The following ZBTB38 variants were observed in gnomAD, a reference collection of about 807,000 sequenced individuals.
ZBTB38 encodes zinc finger and BTB domain-containing protein 38.
In ZBTB38, 20 loss-of-function variants were observed where a neutral mutation model predicts 76.8. That is an observed-to-expected ratio of 0.26 (90% CI 0.18 to 0.38). The LOEUF (loss-of-function observed/expected upper bound fraction) is 0.38, where lower values mean the gene tolerates loss of function less well. ZBTB38 is among the 10% of genes least tolerant of loss of function. The pLI is 1.00. For missense variants in ZBTB38, 1,082 were observed against 1,482.3 expected (o/e 0.73, Z 4.43); for synonymous variants, 504 against 544.2 (o/e 0.93, Z 1.03).
chr3:141,399,094 G>A (rs1951063358), intron 4 of ZBTB38, among the ~76,000 whole-genome samples: 1 of 150,358 alleles, frequency 6.7e-6, no homozygotes, highest in Non-Finnish European at 1.5e-5. Context: ...TAACTTGGGA[G>A]TTACATCTAG....
intron 5 of ZBTB38, among the ~76,000 whole-genome samples, chr3:141,421,648 T>G (rs1033986307): frequency 6.6e-6 from 1 of 152,174 alleles, no homozygotes; most frequent in African/African-American, 2.4e-5. Context: ...TGGTGGGGAC[T>G]TCTCTAACAA....
intron 5 of ZBTB38, among the ~76,000 whole-genome samples, chr3:141,422,801 A>G (rs1221225908): frequency 2.0e-5 from 3 of 152,176 alleles, no homozygotes; most frequent in Non-Finnish European, 4.4e-5. Flanking sequence ...GTGTCTGTTA[A>G]CACACAGTTA....
intron 4 of ZBTB38, chr3:141,402,703 G>A (rs1320979692): frequency 6.6e-6 from 1 of 152,056 alleles, no homozygotes; most frequent in Non-Finnish European, 1.5e-5. Flanking sequence ...GGGCGGGGTG[G>A]GTTCGGCTGG....
rs374801821 is a variant in ZBTB38 at position 141,386,670 on chromosome 3, C to T, written c.-171-202C>T. 18 of 152,686 alleles carry T rather than the reference C, an allele frequency of 1.2e-4. No homozygotes were observed. The East Asian group carries it at 2.9e-3, about 25-fold the overall frequency. The allele number at this position is 152,686 out of a possible 1,614,324, so 9.5% of individuals were successfully genotyped here. On this transcript the variant is annotated intron_variant, in intron 3 of 5. Coordinates refer to ENST00000321464, the MANE Select transcript of ZBTB38 (RefSeq NM_001376113.1). ...GGAAGAGAATATGAGAGTGTTCTTT[C>T]CAGCTTATTTTCTTCCTTAGCAAAA...
At chr3:141,364,809 A>G (rs1414874771), upstream of ZBTB38, among the ~76,000 whole-genome samples, 1 of 151,824 alleles carries the variant, frequency 6.6e-6, no homozygotes, top group Non-Finnish European at 1.5e-5. Context: ...ATCATTAGTC[A>G]TTTGTTAAAT....
At chr3:141,354,340 T>C (rs1412082465) in intron 1 of ZBTB38, among the ~76,000 whole-genome samples, 1 of 152,134 alleles carries the variant, frequency 6.6e-6, no homozygotes, top group Non-Finnish European at 1.5e-5. Context: ...CATTGAAAGC[T>C]GGTCCCACTT....
chr3:141,354,028 A>G (rs544406826), intron 1 of ZBTB38, among the ~76,000 whole-genome samples: 1 of 152,248 alleles, frequency 6.6e-6, no homozygotes, highest in African/African-American at 2.4e-5. Flanking sequence ...TCTTGGTTGG[A>G]CTTGTTGATT....
At chr3:141,436,137 G>T (rs530446503) in intron 5 of ZBTB38, among the ~76,000 whole-genome samples, 1 of 152,304 alleles carries the variant, frequency 6.6e-6, no homozygotes, top group African/African-American at 2.4e-5. Flanking sequence ...AAATGTAGTG[G>T]AGGAGGTTGC....
At chr3:141,427,519 G>A (rs1263647895) in intron 5 of ZBTB38, 1 of 152,326 alleles carries the variant, frequency 6.6e-6, no homozygotes, top group Non-Finnish European at 1.5e-5. Context: ...GGGTTAGAAT[G>A]GCAGGAAAGG....
intron 1 of ZBTB38, among the ~76,000 whole-genome samples, chr3:141,362,463 A>C (rs558206198): frequency 2.4e-4 from 37 of 152,310 alleles, no homozygotes; most frequent in African/African-American, 8.7e-4. Context: ...CCAGCACAAA[A>C]AACATTTTTA....
intron 5 of ZBTB38, among the ~76,000 whole-genome samples, chr3:141,404,617 T>C (rs1279665922): frequency 2.0e-5 from 3 of 152,202 alleles, no homozygotes; most frequent in Non-Finnish European, 4.4e-5. Context: ...AACTACCATT[T>C]GTCGAGCATT....
upstream of ZBTB38, among the ~76,000 whole-genome samples, chr3:141,368,099 C>T (rs2148977399): frequency 6.6e-6 from 1 of 152,272 alleles, no homozygotes; most frequent in Admixed American, 6.5e-5. Context: ...CACTGCAACT[C>T]CTTGAGTAAG....
chr3:141,375,365 G>C (rs996026135), intron 2 of ZBTB38, among the ~76,000 whole-genome samples: 1 of 152,114 alleles, frequency 6.6e-6, no homozygotes, highest in African/African-American at 2.4e-5. Context: ...GAGACAAAAG[G>C]CGCCAATGAG....
intron 1 of ZBTB38, among the ~76,000 whole-genome samples, chr3:141,331,206 C>G (rs898668023): frequency 2.6e-5 from 4 of 152,214 alleles, no homozygotes; most frequent in Non-Finnish European, 4.4e-5. Context: ...TTGAAGCATG[C>G]ACTATGCAAT....
At chr3:141,337,059 G>T (rs6807533) in intron 1 of ZBTB38, among the ~76,000 whole-genome samples, 1 of 151,988 alleles carries the variant, frequency 6.6e-6, no homozygotes, top group Admixed American at 6.5e-5. Context: ...CTCCTTTGAC[G>T]CCCACTTCCA....
chr3:141,435,258 C>T (rs2078491007), intron 5 of ZBTB38, among the ~76,000 whole-genome samples: 2 of 152,220 alleles, frequency 1.3e-5, no homozygotes, highest in Admixed American at 6.5e-5. Context: ...GGTATAATCC[C>T]AATGTATACC....
intron 5 of ZBTB38, among the ~76,000 whole-genome samples, chr3:141,404,753 A>G (rs1252920494): frequency 6.6e-6 from 1 of 152,188 alleles, no homozygotes; most frequent in Admixed American, 6.5e-5. Flanking sequence ...GAAAATAGAG[A>G]CAGGTCATGG....
chr3:141,424,786 A>T (rs868584072), intron 5 of ZBTB38, among the ~76,000 whole-genome samples: 27 of 152,318 alleles, frequency 1.8e-4, no homozygotes, highest in Admixed American at 1.1e-3. Context: ...ACAGTGAAAT[A>T]GGATATTTGT....
intron 1 of ZBTB38, among the ~76,000 whole-genome samples, chr3:141,324,790 A>T (rs1337868259): frequency 6.6e-6 from 1 of 152,246 alleles, no homozygotes; most frequent in African/African-American, 2.4e-5. Context: ...TCATGTGACG[A>T]TAACAGTCTT....
Sources: allele counts gnomAD v4.1 joint callset (sites outside exome capture counted in the v4.1 genomes callset), GRCh38; gene constraint gnomAD v4.1.1; transcripts MANE v1.5; gene names NCBI Gene and HGNC (gene_info 2026-07-23, HGNC 2026-07-21).